Variants in RUFY3 observed in about 807,000 individuals in gnomAD.
The protein encoded by RUFY3 is RUN and FYVE domain containing 3.
RUFY3 carries 34 observed loss-of-function variants against 84.0 expected under a neutral mutation model. That is an observed-to-expected ratio of 0.40 (90% CI 0.31 to 0.54). The LOEUF (loss-of-function observed/expected upper bound fraction) is 0.54, where lower values mean the gene tolerates loss of function less well. Ranked by LOEUF, RUFY3 falls within the 20% of genes least tolerant of loss-of-function variation. The pLI is 0.39. For synonymous variants in RUFY3, 242 were observed against 252.9 expected, an observed-to-expected ratio of 0.96 and a Z score of 0.41; for missense variants, 507 against 736.8, an observed-to-expected ratio of 0.69 and a Z score of 3.61.
intron 10 of RUFY3, among the ~76,000 whole-genome samples, chr4:70,786,723 G>A (rs1246313948): frequency 2.0e-5 from 3 of 152,032 alleles, no homozygotes; most frequent in Admixed American, 6.6e-5. Context: ...TACTATTCCT[G>A]TACTAGATTT....
At chr4:70,791,338 C>G in intron 12 of RUFY3, 1 of 1,606,930 alleles carries the variant, frequency 6.2e-7, no homozygotes, top group Non-Finnish European at 8.5e-7. Context: ...GATATCACAA[C>G]TTAATTGTAA....
intron 1 of RUFY3, among the ~76,000 whole-genome samples, chr4:70,705,520 C>T (rs1039975605): frequency 2.0e-5 from 3 of 152,154 alleles, no homozygotes; most frequent in Non-Finnish European, 4.4e-5. Flanking sequence ...CTCCGCGTCT[C>T]CCCAGGCCGC....
chr4:70,804,500 T>C, intron 17 of RUFY3, 84 bp downstream of exon 17: 2 of 1,192,978 alleles, frequency 1.7e-6, no homozygotes, highest in Non-Finnish European at 2.5e-6. Flanking sequence ...ACAGGGACTT[T>C]CCCGCATAGA....
chr4:70,766,113 T>A (rs1578138823), intron 4 of RUFY3, among the ~76,000 whole-genome samples: 2 of 152,292 alleles, frequency 1.3e-5, no homozygotes, highest in South Asian at 4.1e-4. Context: ...GTGAATTATA[T>A]TGATTGTTAA....
chr4:70,804,669 G>C (rs1323837990), intron 17 of RUFY3, among the ~76,000 whole-genome samples: 1 of 150,970 alleles, frequency 6.6e-6, no homozygotes, highest in East Asian at 1.9e-4. Flanking sequence ...TGTAATCCCA[G>C]CATTTTGGGA....
chr4:70,780,800 G>C (rs1406664277), intron 8 of RUFY3, among the ~76,000 whole-genome samples: 1 of 152,140 alleles, frequency 6.6e-6, no homozygotes, highest in East Asian at 1.9e-4. Flanking sequence ...TCAGTCATAA[G>C]ACTTGTCTTC....
At chr4:70,765,392 G>A (rs992783788) in intron 4 of RUFY3, among the ~76,000 whole-genome samples, 2 of 152,020 alleles carry the variant, frequency 1.3e-5, no homozygotes, top group African/African-American at 2.4e-5. Context: ...TTGAAGAGGT[G>A]GGGGTAGAGA....
chr4:70,803,836 C>T (rs989180792), intron 16 of RUFY3, among the ~76,000 whole-genome samples: 28 of 152,112 alleles, frequency 1.8e-4, no homozygotes, highest in African/African-American at 6.3e-4. Context: ...GATTCCCCTG[C>T]CTCAGCCTCC....
At chr4:70,753,059 T>G (rs554158324) in intron 1 of RUFY3, among the ~76,000 whole-genome samples, 6 of 152,176 alleles carry the variant, frequency 3.9e-5, no homozygotes, top group Non-Finnish European at 5.9e-5. Context: ...TTTATTATTA[T>G]TACTAATTCA....
At chr4:70,793,416 T>C (rs908081876) in intron 12 of RUFY3, 25 of 1,052,610 alleles carry the variant, frequency 2.4e-5, no homozygotes, top group Non-Finnish European at 2.8e-5. Context: ...TATTAGGAAA[T>C]TTTTTTAAAA....
chr4:70,774,213 A>C (rs778650711), intron 6 of RUFY3, among the ~76,000 whole-genome samples: 1 of 152,160 alleles, frequency 6.6e-6, no homozygotes, highest in Non-Finnish European at 1.5e-5. Flanking sequence ...CCTTAATTTT[A>C]TCTTACAGCT....
chr4:70,722,288 TAAAAG>T lies in RUFY3; in HGVS notation c.-285_-281del, dbSNP rs936598585. 7 of 1,234,748 alleles carry T rather than the reference TAAAAG, an allele frequency of 5.7e-6. No homozygotes were observed. The highest frequency in any genetic ancestry group is 3.1e-5 in the East Asian group (1 of 32,002). The allele number at this position is 1,234,748 out of a possible 1,614,324, so 76.5% of individuals were successfully genotyped here. ...AAGGTGGGGGGCAGGGAAGGGAAGA[TAAAAG>T]GAGAGGAAGCTGGGAGAAGACAAGC... is the stretch of plus-strand genomic sequence containing the variant. On this transcript the variant is annotated 5_prime_UTR_variant, in exon 1 of 18. In the 5' UTR this introduces an upstream ATG that the reference lacks. Transcript: ENST00000381006.
chr4:70,736,252 G>A (rs1022829641), intron 1 of RUFY3, among the ~76,000 whole-genome samples: 3 of 151,920 alleles, frequency 2.0e-5, no homozygotes, highest in East Asian at 3.9e-4. Flanking sequence ...TTATAGAGGT[G>A]ATATATTTGC....
rs1489243454 is a variant in RUFY3, at chr4:70,726,230, AG to A, written c.178+3480del. Among the ~76,000 whole-genome samples, 256 of 152,332 alleles carry A rather than the reference AG, an allele frequency of 1.7e-3. 7 individuals carry two copies. The highest frequency in any genetic ancestry group is 0.012 in the Admixed American group (176 of 15,304). The stretch of plus-strand genomic sequence containing the variant: ...GGTGGCTGGAGAATGAACATAAGGC[AG>A]TGCCTGGGATGACTCTCCAACTTCT... On this transcript the variant is annotated intron_variant, in intron 1 of 17. Transcript: ENST00000381006.
upstream of RUFY3, among the ~76,000 whole-genome samples, chr4:70,717,237 T>C (rs1021581118): frequency 3.9e-5 from 6 of 152,228 alleles, no homozygotes; most frequent in African/African-American, 1.4e-4. Context: ...CATTTATCTT[T>C]TTCTATTTTG....
At chr4:70,800,319 TA>T (rs1732060922) in intron 15 of RUFY3, 114 bp downstream of exon 15, 2 of 702,232 alleles carry the variant, frequency 2.8e-6, no homozygotes, top group Non-Finnish European at 4.6e-6. Context: ...CTTATAATAT[TA>T]ATATGCCAGG....
intron 1 of RUFY3, among the ~76,000 whole-genome samples, chr4:70,746,896 AG>A (rs1224745536): frequency 1.3e-5 from 2 of 152,202 alleles, no homozygotes; most frequent in Admixed American, 1.3e-4. Context: ...TTGAGGATGG[AG>A]TAGGGGCAAG....
upstream of RUFY3, chr4:70,704,770 G>A (rs965191858): frequency 1.0e-4 from 42 of 415,320 alleles, no homozygotes; most frequent in Non-Finnish European, 1.4e-4. Flanking sequence ...GGCGGGCTGT[G>A]GGCCGAGCGG....
intron 14 of RUFY3, among the ~76,000 whole-genome samples, chr4:70,797,072 C>T (rs1006532424): frequency 1.3e-5 from 2 of 151,838 alleles, no homozygotes; most frequent in Admixed American, 6.6e-5. Flanking sequence ...TCCTGAGTAG[C>T]TGGGACTGTA....
Sources: gnomAD v4.1 joint callset for allele counts (sites outside exome capture counted in the v4.1 genomes callset) on GRCh38, gnomAD v4.1.1 for gene constraint, MANE v1.5 for transcripts, NCBI Gene and HGNC (gene_info 2026-07-23, HGNC 2026-07-21) for gene names.